Variants in DOCK7 observed in about 807,000 individuals in gnomAD.
The protein encoded by DOCK7 is dedicator of cytokinesis 7.
A neutral mutation model predicts 271.0 loss-of-function variants in DOCK7; 138 were observed. The observed-to-expected ratio is 0.51, with a 90% confidence interval of 0.44 to 0.59. The LOEUF is 0.59. Among genes scored for constraint, DOCK7 ranks in the 20% least tolerant of loss-of-function variants. The pLI is 0.00. For missense variants in DOCK7, 2,066 were observed against 2,592.4 expected (o/e 0.80, Z 4.41); for synonymous variants, 823 against 876.1 (o/e 0.94, Z 1.07).
intron 10 of DOCK7, among the ~76,000 whole-genome samples, chr1:62,631,608 A>T (rs771315693): frequency 2.6e-5 from 4 of 152,220 alleles, no homozygotes; most frequent in Non-Finnish European, 5.9e-5. Flanking sequence ...ATGTACGTAC[A>T]GAGCAGGTCT....
At chr1:62,462,326 C>T (rs1204228906) in intron 48 of DOCK7, among the ~76,000 whole-genome samples, 2 of 152,060 alleles carry the variant, frequency 1.3e-5, no homozygotes, top group Non-Finnish European at 2.9e-5. Context: ...AAATTGAAAA[C>T]AGCCAAAAAC....
In DOCK7 at chr1:62,604,450, G is replaced by A. The variant is rs755723014; in HGVS notation, c.1682+14256C>T. 20 of 887,312 alleles carry A rather than the reference G, an allele frequency of 2.3e-5. 1 individual carries two copies. The South Asian group carries it at 2.5e-4, about 11-fold the overall frequency. 55.0% of individuals were successfully genotyped at this position (887,312 alleles called of 1,614,324 possible). ...TCCTCAGATTTTCTATTTTTTGGTA[G>A]TGTATAGATTATTTATACAGATTAT... On this transcript the variant is annotated intron_variant, in intron 14 of 49. Transcript: ENST00000635253.
rs761571945 is a variant in DOCK7 at position 62,475,699 on chromosome 1, G to C, written c.5961+8C>G. The C allele has an allele frequency of 6.8e-6, 11 of 1,611,706 alleles. No homozygotes were observed. The highest frequency in any genetic ancestry group is 8.5e-6 in the Non-Finnish European group (10 of 1,178,300). The stretch of plus-strand genomic sequence containing the variant: ...TCACTAATGCTGTTTGCCCATTAAT[G>C]GACTTACCTCTTCTTTATGAGTGAC... On this transcript the variant is annotated splice_region_variant and intron_variant, in intron 46 of 49. Transcript: ENST00000635253.
At chr1:62,495,776 G>A in intron 38 of DOCK7, 95 bp from the exon 39 acceptor site, 2 of 1,006,866 alleles carry the variant, frequency 2.0e-6, no homozygotes, top group Non-Finnish European at 2.9e-6. Context: ...AATATCTAAA[G>A]ATTTCAAAAC....
At chr1:62,493,445 C>T (rs750674596) in intron 40 of DOCK7, among the ~76,000 whole-genome samples, 15 of 152,044 alleles carry the variant, frequency 9.9e-5, no homozygotes, top group Non-Finnish European at 2.1e-4. Flanking sequence ...CAGATTTCCA[C>T]GGAATCTCTT....
chr1:62,504,823 T>C, intron 36 of DOCK7, 41 bp from the exon 37 acceptor site: 1 of 1,598,154 alleles, frequency 6.3e-7, no homozygotes, highest in Non-Finnish European at 8.5e-7. Context: ...ATTTTTACAG[T>C]AAAAGTTTCT....
chr1:62,510,034 T>A (rs1282005374), intron 34 of DOCK7, among the ~76,000 whole-genome samples: 1 of 152,072 alleles, frequency 6.6e-6, no homozygotes, highest in Non-Finnish European at 1.5e-5. Context: ...AAGAAAAAAA[T>A]TTTAGCCCCT....
chr1:62,601,883 G>C lies in DOCK7; in HGVS notation c.1683-15259C>G, dbSNP rs191293319. 8.8e-6 allele frequency: 14 copies of C among 1,590,090 alleles called. No homozygotes were observed. The Admixed American group carries it at 1.5e-4, about 17-fold the overall frequency. Reference sequence around the variant, plus strand: ...CATGTCTACTGTGATGTTATATCAGGTAAAACCTGTCTAAGGAGAATAGAC... The same window carrying C: ...CATGTCTACTGTGATGTTATATCAGCTAAAACCTGTCTAAGGAGAATAGAC... On this transcript the variant is annotated intron_variant, in intron 14 of 49. Transcript: ENST00000635253.
chr1:62,600,484 A>G (rs960727746), intron 14 of DOCK7, among the ~76,000 whole-genome samples: 1 of 151,822 alleles, frequency 6.6e-6, no homozygotes, highest in African/African-American at 2.4e-5. Flanking sequence ...ACTGTCAATG[A>G]GAAAAACTAT....
At chr1:62,548,008 C>T (rs1370709841) in intron 22 of DOCK7, among the ~76,000 whole-genome samples, 2 of 152,010 alleles carry the variant, frequency 1.3e-5, no homozygotes, top group African/African-American at 4.8e-5. Flanking sequence ...GTGATCTAGT[C>T]CTGCGGTGTT....
At chr1:62,464,083 G>A (rs942374269) in intron 48 of DOCK7, among the ~76,000 whole-genome samples, 2 of 151,424 alleles carry the variant, frequency 1.3e-5, no homozygotes, top group Non-Finnish European at 2.9e-5. Context: ...TTTTTGAGCC[G>A]GAGTCTCGCT....
At chr1:62,500,394 T>A (rs970933642) in intron 37 of DOCK7, among the ~76,000 whole-genome samples, 6 of 152,206 alleles carry the variant, frequency 3.9e-5, no homozygotes, top group Admixed American at 1.3e-4. Context: ...GATGAAATTT[T>A]AAAAGTGTTA....
chr1:62,593,958 G>A (rs527433280), intron 14 of DOCK7, among the ~76,000 whole-genome samples: 180 of 152,194 alleles, frequency 1.2e-3, no homozygotes, highest in African/African-American at 4.2e-3. Flanking sequence ...ACACAACCTC[G>A]TGTAGGATAA....
chr1:62,625,348 A>T lies in DOCK7; in HGVS notation c.1336T>A (p.Ser446Thr), dbSNP rs1491000589. ...TCTCCACTTGTTGTCCTTTCAAGTG[A>T]TCGTCTGCCAACAATACTAGAATTC... ...RRNSSIVGRR[S>T]LERTTSGDDA... The change falls in exon 12 of 50, where the codon TCA becomes ACA. Residue 446 changes from serine to threonine, a missense_variant. Around this residue, in one of 2 missense-constraint regions of DOCK7, gnomAD observed 1,414 missense variants for 1,670.4 expected, o/e 0.85. Transcript: ENST00000635253. 1.2e-6 allele frequency: 2 copies of T among 1,613,622 alleles called. No homozygotes were observed. Among genetic ancestry groups the T allele is most frequent in the South Asian group, 2.2e-5 (2 of 90,998 alleles).
At chr1:62,476,336 C>G (rs1645967658) in intron 44 of DOCK7, 180 bp from the exon 45 acceptor site, 1 of 509,438 alleles carries the variant, frequency 2.0e-6, no homozygotes, top group Non-Finnish European at 3.5e-6. Flanking sequence ...TTAGCATGGT[C>G]TCGGTCCATA....
At chr1:62,461,432 G>A (rs1168343228) in intron 48 of DOCK7, among the ~76,000 whole-genome samples, 2 of 152,128 alleles carry the variant, frequency 1.3e-5, no homozygotes, top group East Asian at 3.9e-4. Context: ...TGCAATCCCA[G>A]CACTTTGGCA....
At chr1:62,560,600 G>A (rs1351171918) in intron 19 of DOCK7, among the ~76,000 whole-genome samples, 2 of 152,000 alleles carry the variant, frequency 1.3e-5, no homozygotes, top group Non-Finnish European at 2.9e-5. Flanking sequence ...TCTATTACCA[G>A]CCTTCTATCC....
At chr1:62,531,751 A>C (rs758087782) in intron 29 of DOCK7, among the ~76,000 whole-genome samples, 9 of 152,228 alleles carry the variant, frequency 5.9e-5, no homozygotes, top group Non-Finnish European at 1.3e-4. Flanking sequence ...TGCTGCATAT[A>C]ATCTATATAC....
At chr1:62,468,942 A>T (rs969566908) in intron 48 of DOCK7, among the ~76,000 whole-genome samples, 1 of 152,232 alleles carries the variant, frequency 6.6e-6, no homozygotes, top group African/African-American at 2.4e-5. Context: ...AAATGGAAAC[A>T]CATCCCATGT....
Sources: allele counts gnomAD v4.1 joint callset (sites outside exome capture counted in the v4.1 genomes callset), GRCh38; gene constraint gnomAD v4.1.1; regional missense constraint gnomAD v4.1.1; transcripts MANE v1.5; gene names NCBI Gene and HGNC (gene_info 2026-07-23, HGNC 2026-07-21).